The following INVS variants were observed in gnomAD, a reference collection of about 807,000 sequenced individuals.
The protein encoded by INVS is inversion of embryo turning homolog.
Under a neutral mutation model 108.8 loss-of-function variants are expected in INVS, and 86 were observed. The ratio of observed to expected loss-of-function variants is 0.79; its 90% CI spans 0.66 to 0.95. The LOEUF is 0.95. Among genes scored for constraint, INVS ranks in the 40% least tolerant of loss-of-function variants. The pLI is 0.00. For synonymous variants in INVS, 455 were observed against 473.5 expected (o/e 0.96, Z 0.51); for missense variants, 1,169 against 1,297.4 (o/e 0.90, Z 1.52).
chr9:100,292,139 G>A (rs1210821577), intron 13 of INVS, among the ~76,000 whole-genome samples, 187 bp from the exon 14 acceptor site: 1 of 152,188 alleles, frequency 6.6e-6, no homozygotes, highest in Non-Finnish European at 1.5e-5. Context: ...GTTAAGGCGA[G>A]AAGGGCTTCA....
At chr9:100,177,337 T>C (rs1829749323) in intron 3 of INVS, among the ~76,000 whole-genome samples, 1 of 152,166 alleles carries the variant, frequency 6.6e-6, no homozygotes, top group African/African-American at 2.4e-5. Flanking sequence ...GCTCAGCAGA[T>C]CCCACTCCCA....
chr9:100,245,590 T>A (rs1832020486), intron 7 of INVS, among the ~76,000 whole-genome samples: 1 of 152,100 alleles, frequency 6.6e-6, no homozygotes, highest in Non-Finnish European at 1.5e-5. Flanking sequence ...CAGTCCTAAT[T>A]TTTGTATGAT....
intron 5 of INVS, among the ~76,000 whole-genome samples, chr9:100,237,878 G>C (rs1831740589): frequency 6.6e-6 from 1 of 151,866 alleles, no homozygotes; most frequent in Admixed American, 6.6e-5. Context: ...TTTTTTGTTT[G>C]TTTGGTTTTA....
intron 10 of INVS, among the ~76,000 whole-genome samples, chr9:100,264,600 G>A (rs534014104): frequency 4.2e-5 from 6 of 144,002 alleles, no homozygotes; most frequent in African/African-American, 1.1e-4. Flanking sequence ...CCTGAGCGAC[G>A]AGAGCGAAAC....
At chr9:100,294,654 C>A (rs751607426) in intron 14 of INVS, among the ~76,000 whole-genome samples, 3 of 152,146 alleles carry the variant, frequency 2.0e-5, no homozygotes, top group Non-Finnish European at 4.4e-5. Flanking sequence ...CTTTCCCTTA[C>A]ATTATTAGTG....
chr9:100,164,896 C>CT (rs71498730), intron 3 of INVS, among the ~76,000 whole-genome samples: 12,220 of 129,252 alleles, frequency 0.095, 700 homozygotes, highest in African/African-American at 0.17. Flanking sequence ...TTGGCTTTTT[C>CT]TTTTTTTTTT....
chr9:100,126,810 T>C (rs2118896650), intron 3 of INVS, among the ~76,000 whole-genome samples: 1 of 152,262 alleles, frequency 6.6e-6, no homozygotes, highest in Admixed American at 6.5e-5. Flanking sequence ...CAAATTTATA[T>C]ATACAATGTG....
intron 8 of INVS, 92 bp downstream of exon 8, chr9:100,246,879 A>G (rs1832064951): frequency 8.8e-7 from 1 of 1,132,100 alleles, no homozygotes; most frequent in East Asian, 2.3e-5. Flanking sequence ...ACTTGAAATC[A>G]TTGTTCCTAA....
At chr9:100,299,440 G>A (rs1833885480) in intron 16 of INVS, among the ~76,000 whole-genome samples, 1 of 151,892 alleles carries the variant, frequency 6.6e-6, no homozygotes, top group Non-Finnish European at 1.5e-5. Context: ...TCCTTGGGCT[G>A]TTTCTCCACA....
In INVS at chr9:100,284,440, G is replaced by A; in HGVS notation, c.1905G>A (p.Arg635=). The part of the protein sequence containing the change: ...CLPSTQDVPS[R]QSRAPSKQPP... Reference sequence around the variant, plus strand: ...CTAGCACCCAGGATGTGCCCAGCAGGCAGAGCCGGGCCCCCAGCAAGCAGC... The same window carrying A: ...CTAGCACCCAGGATGTGCCCAGCAGACAGAGCCGGGCCCCCAGCAAGCAGC... Residue 635 remains arginine (R), a synonymous_variant, in exon 13 of 17, where the codon AGG becomes AGA. Coordinates refer to ENST00000262457, the MANE Select transcript of INVS (RefSeq NM_014425.5). The A allele has an allele frequency of 6.2e-7, 1 of 1,614,166 alleles. No individual in the cohort carries two copies. Among genetic ancestry groups the A allele is most frequent in the Non-Finnish European group, 8.5e-7 (1 of 1,180,022 alleles).
intron 3 of INVS, among the ~76,000 whole-genome samples, chr9:100,169,144 A>G (rs1228174425): frequency 6.6e-6 from 1 of 152,232 alleles, no homozygotes; most frequent in Non-Finnish European, 1.5e-5. Context: ...GTGGTTTCCT[A>G]TAAAACAAAT....
At chr9:100,223,672 A>G (rs2118385927) in intron 3 of INVS, among the ~76,000 whole-genome samples, 1 of 152,364 alleles carries the variant, frequency 6.6e-6, no homozygotes, top group East Asian at 1.9e-4. Context: ...AAAGAATAAC[A>G]AGTAAGTTCT....
At chr9:100,263,870 A>G (rs1832704308) in intron 10 of INVS, among the ~76,000 whole-genome samples, 1 of 151,840 alleles carries the variant, frequency 6.6e-6, no homozygotes, top group Non-Finnish European at 1.5e-5. Flanking sequence ...CTTAGGGCCC[A>G]TTTTTCAAAG....
chr9:100,255,477 T>C (rs1297805063), intron 10 of INVS, among the ~76,000 whole-genome samples: 1 of 152,202 alleles, frequency 6.6e-6, no homozygotes, highest in Admixed American at 6.5e-5. Context: ...AGAGAGGGCA[T>C]CCCTGTCTTG....
intron 3 of INVS, among the ~76,000 whole-genome samples, chr9:100,158,869 G>T (rs1036806157): frequency 6.6e-6 from 1 of 152,074 alleles, no homozygotes; most frequent in African/African-American, 2.4e-5. Flanking sequence ...GTGAATTCTC[G>T]CTCTATTAGT....
intron 6 of INVS, among the ~76,000 whole-genome samples, chr9:100,241,270 G>A (rs1441607793): frequency 6.6e-6 from 1 of 151,814 alleles, no homozygotes; most frequent in Non-Finnish European, 1.5e-5. Context: ...TGGCAAATTT[G>A]TCTCCATGTA....
chr9:100,191,765 A>G (rs1025294654), intron 3 of INVS, among the ~76,000 whole-genome samples: 3 of 152,052 alleles, frequency 2.0e-5, no homozygotes, highest in Non-Finnish European at 4.4e-5. Context: ...GTTTTGTCAT[A>G]TTGTCAGAAT....
intron 12 of INVS, among the ~76,000 whole-genome samples, chr9:100,275,243 C>A (rs978034054): frequency 1.3e-5 from 2 of 152,168 alleles, no homozygotes; most frequent in African/African-American, 4.8e-5. Flanking sequence ...ATACACATGA[C>A]AAATTATCCT....
At chr9:100,123,182 C>T (rs942598830) in intron 2 of INVS, among the ~76,000 whole-genome samples, 9 of 152,114 alleles carry the variant, frequency 5.9e-5, no homozygotes, top group South Asian at 2.1e-4. Context: ...GTTGGACAAA[C>T]GTCACCACAA....
Sources: allele counts gnomAD v4.1 joint callset (sites outside exome capture counted in the v4.1 genomes callset), GRCh38; gene constraint gnomAD v4.1.1; transcripts MANE v1.5; gene names NCBI Gene and HGNC (gene_info 2026-07-23, HGNC 2026-07-21).